USP6NL: variants seen among roughly 807,000 people sequenced by gnomAD.
USP6NL encodes the protein USP6 N-terminal like.
USP6NL carries 26 observed loss-of-function variants against 61.9 expected under a neutral mutation model. The ratio of observed to expected loss-of-function variants is 0.42; its 90% confidence interval spans 0.31 to 0.58. The LOEUF (loss-of-function observed/expected upper bound fraction) is 0.58, where lower values mean the gene tolerates loss of function less well. Ranked by LOEUF, USP6NL falls within the 20% of genes least tolerant of loss-of-function variation. The pLI, the probability that USP6NL is intolerant of heterozygous loss-of-function variation, is 0.16. For missense variants in USP6NL, 1,114 were observed against 1,034.3 expected (o/e 1.08, Z -1.06); for synonymous variants, 432 against 390.1 (o/e 1.11, Z -1.27).
chr10:11,463,441 G>C lies in USP6NL; in HGVS notation c.1487C>G (p.Thr496Arg). The change falls in exon 15 of 15, where the codon ACA (threonine) becomes AGA (arginine). Residue 496 changes from threonine (T) to arginine (R), a missense_variant. Thr to Arg is a moderately conservative substitution (Grantham distance 71, BLOSUM62 -1). Coordinates refer to ENST00000609104, the MANE Select transcript of USP6NL (RefSeq NM_014688.5). The surrounding 1 kb of genome is among the most constrained non-coding windows in gnomAD (Gnocchi z 6.3). Reference protein sequence around the residue: ...KWNKPSDVSATERTAKYTMEG... With the variant: ...KWNKPSDVSARERTAKYTMEG... ...CATGGTGTATTTGGCAGTTCTCTCT[G>C]TAGCTGAGACGTCTGACGGTTTATT... The C allele has an allele frequency of 1.2e-6, 2 of 1,614,078 alleles. No homozygotes were observed. The highest frequency in any genetic ancestry group is 8.5e-7 in the Non-Finnish European group (1 of 1,179,906).
rs1214382275 is a variant in USP6NL, at chr10:11,487,516, A to T, written c.664+1586T>A. Among the ~76,000 whole-genome samples, 1 of 152,218 alleles carries T rather than the reference A, an allele frequency of 6.6e-6. No homozygotes were observed. Among genetic ancestry groups the T allele is most frequent in the East Asian group, 1.9e-4 (1 of 5,202 alleles). On this transcript the variant is annotated intron_variant, in intron 10 of 14. Transcript: ENST00000609104. This position sits in a 1 kb window ranked among gnomAD's most constrained non-coding sequence, Gnocchi z 4.2. The stretch of plus-strand genomic sequence containing the variant: ...CCTAAAATTGGACAGTCTTGGACAC[A>T]ATTACATACCAGTTAAATTTGCATT...
At chr10:11,564,389 A>T (rs1837046833) in intron 2 of USP6NL, 1 of 152,214 alleles carries the variant, frequency 6.6e-6, no homozygotes, top group Non-Finnish European at 1.5e-5. Flanking sequence ...AACATAAAGC[A>T]AGAATCGAAT....
Position 11,481,455 on chromosome 10 carries a change from A to G in USP6NL, c.1078+315T>C, listed in dbSNP as rs1311927254. On this transcript the variant is annotated intron_variant, in intron 14 of 14. Transcript: ENST00000609104. This position sits in a 1 kb window ranked among gnomAD's most constrained non-coding sequence, Gnocchi z 4.4. Reference sequence around the variant, plus strand: ...CAAAATGAGATGAAGAAAGCAAAAAAAAGCTTATTGTTATGCTCGTTTAAA... The same window carrying G: ...CAAAATGAGATGAAGAAAGCAAAAAGAAGCTTATTGTTATGCTCGTTTAAA... Among the ~76,000 whole-genome samples, 1 of 152,244 alleles carries G rather than the reference A, an allele frequency of 6.6e-6. No individual in the cohort carries two copies. Among genetic ancestry groups the G allele is most frequent in the Non-Finnish European group, 1.5e-5 (1 of 68,042 alleles).
chr10:11,551,199 C>T (rs1376091387), intron 2 of USP6NL, among the ~76,000 whole-genome samples: 2 of 152,156 alleles, frequency 1.3e-5, no homozygotes, highest in Non-Finnish European at 2.9e-5. Flanking sequence ...CAGCCCAAAA[C>T]TAGAAACAAC....
chr10:11,462,162 G>A lies in USP6NL; in HGVS notation c.*279C>T, dbSNP rs2096216806. On this transcript the variant is annotated 3_prime_UTR_variant, in exon 15 of 15. Coordinates refer to ENST00000609104, the MANE Select transcript of USP6NL (RefSeq NM_014688.5). Reference sequence around the variant, plus strand: ...TCAGGTTTTGGAGAAAAACATAACCGGAACTGAGTAATAAATTACCACTGT... The same window carrying A: ...TCAGGTTTTGGAGAAAAACATAACCAGAACTGAGTAATAAATTACCACTGT... 1.1e-5 allele frequency: 4 copies of A among 367,200 alleles called. No individual in the cohort carries two copies. Among genetic ancestry groups the A allele is most frequent in the South Asian group, 5.7e-5 (1 of 17,564 alleles). The allele number at this position is 367,200 out of a possible 1,614,324, so 22.7% of individuals were successfully genotyped here. A position where few individuals can be genotyped will look rare whatever the true frequency, so the allele number is the denominator to read the frequency against.
intron 6 of USP6NL, among the ~76,000 whole-genome samples, chr10:11,501,427 T>C (rs1834189523): frequency 6.6e-6 from 1 of 152,176 alleles, no homozygotes; most frequent in African/African-American, 2.4e-5. Context: ...AACAAGAAAT[T>C]GTTAAGAATG....
In USP6NL at chr10:11,513,811, T is replaced by C. The variant is rs191539715; in HGVS notation, c.196-4136A>G. 4.3e-3 allele frequency among the ~76,000 whole-genome samples: 656 copies of C among 152,338 alleles called. 2 individuals carry two copies. Among genetic ancestry groups the C allele is most frequent in the Non-Finnish European group, 5.9e-3 (398 of 68,028 alleles). ...AGACTGTTCTTTATAGCTGGTTTTT[T>C]CTGTGGTGTGGGCAACTCGGAATCC... On this transcript the variant is annotated intron_variant, in intron 5 of 14. Coordinates refer to ENST00000609104, the MANE Select transcript of USP6NL (RefSeq NM_014688.5). This position sits in a 1 kb window ranked among gnomAD's most constrained non-coding sequence, Gnocchi z 4.7.
At chr10:11,538,157 CTAATTTCTAG>C in intron 2 of USP6NL, among the ~76,000 whole-genome samples, 1 of 152,232 alleles carries the variant, frequency 6.6e-6, no homozygotes, top group African/African-American at 2.4e-5. Flanking sequence ...TATTTGCTTC[CTAATTTCTAG>C]AAAGATAGGA....
intron 4 of USP6NL, among the ~76,000 whole-genome samples, chr10:11,519,331 T>C (rs1009473488): frequency 2.6e-5 from 4 of 152,198 alleles, no homozygotes; most frequent in Non-Finnish European, 4.4e-5. Context: ...CTTTATTCAG[T>C]ACAACAAAGA....
rs1832878159 is a variant in USP6NL, at chr10:11,474,275, A to C, written c.1078+7495T>G. Among the ~76,000 whole-genome samples the C allele has an allele frequency of 2.0e-5, 3 of 152,348 alleles. No homozygotes were observed. In the South Asian group the frequency reaches 6.2e-4, roughly 32 times the overall value. On this transcript the variant is annotated intron_variant, in intron 14 of 14. Coordinates refer to ENST00000609104, the MANE Select transcript of USP6NL (RefSeq NM_014688.5). This position sits in a 1 kb window ranked among gnomAD's most constrained non-coding sequence, Gnocchi z 4.9. ...GTTGGCCTTCTTATGCCAATTTAAA[A>C]ATATGCAAATGAGTCACTGATTTGA...
rs1334885556 is a variant in USP6NL, at chr10:11,540,269, G to T, written c.5-12702C>A. Among the ~76,000 whole-genome samples the T allele has an allele frequency of 6.6e-6, 1 of 152,130 alleles. No homozygotes were observed. The highest frequency in any genetic ancestry group is 2.4e-5 in the African/African-American group (1 of 41,426). ...CAATTTATATGAAATATTCTTTGTG[G>T]TCATAATCAACTGGACCTGCTATAT... is the stretch of plus-strand genomic sequence containing the variant. On this transcript the variant is annotated intron_variant, in intron 2 of 14. Coordinates refer to ENST00000609104, the MANE Select transcript of USP6NL (RefSeq NM_014688.5). The surrounding 1 kb of genome is among the most constrained non-coding windows in gnomAD (Gnocchi z 5.0).
intron 14 of USP6NL, among the ~76,000 whole-genome samples, chr10:11,480,005 A>G (rs562831625): frequency 2.6e-5 from 4 of 152,238 alleles, no homozygotes; most frequent in African/African-American, 9.6e-5. Flanking sequence ...TGAAAGGCAG[A>G]TGGTCGTGCT....
At chr10:11,557,323 A>G (rs1836745501) in intron 2 of USP6NL, among the ~76,000 whole-genome samples, 1 of 152,238 alleles carries the variant, frequency 6.6e-6, no homozygotes. Flanking sequence ...ATAGAGCCCA[A>G]TACAGCAAAG....
intron 13 of USP6NL, 120 bp downstream of exon 13, chr10:11,484,851 C>CA (rs1833389922): frequency 3.7e-5 from 27 of 737,366 alleles, no homozygotes; most frequent in Middle Eastern, 3.9e-4. Flanking sequence ...CACTGATTTT[C>CA]AAAAAAAATT....
At chr10:11,566,056 G>C (rs1398589631) in intron 2 of USP6NL, among the ~76,000 whole-genome samples, 3 of 152,096 alleles carry the variant, frequency 2.0e-5, no homozygotes, top group Non-Finnish European at 1.5e-5. Context: ...AACAACAAAG[G>C]CAGTGATTAA....
intron 4 of USP6NL, among the ~76,000 whole-genome samples, chr10:11,524,796 G>A (rs766111010): frequency 4.6e-5 from 7 of 152,132 alleles, no homozygotes; most frequent in Non-Finnish European, 7.4e-5. Context: ...GTAGGAAACC[G>A]ATTAAACAAT....
At chr10:11,568,222 T>C (rs1388628871) in intron 2 of USP6NL, among the ~76,000 whole-genome samples, 2 of 152,162 alleles carry the variant, frequency 1.3e-5, no homozygotes, top group African/African-American at 4.8e-5. Context: ...GGAGGCATTA[T>C]GAATTGACAC....
intron 4 of USP6NL, among the ~76,000 whole-genome samples, chr10:11,522,908 C>T (rs941229404): frequency 6.6e-6 from 1 of 152,204 alleles, no homozygotes; most frequent in Non-Finnish European, 1.5e-5. Flanking sequence ...AAGGTCCACA[C>T]CCTAGAGCTG....
rs1406314767 is a variant in USP6NL, at chr10:11,513,830, G to A, written c.196-4155C>T. Among the ~76,000 whole-genome samples, 1 of 152,122 alleles carries A rather than the reference G, an allele frequency of 6.6e-6. No individual in the cohort carries two copies. The highest frequency in any genetic ancestry group is 1.5e-5 in the Non-Finnish European group (1 of 68,026). The stretch of plus-strand genomic sequence containing the variant: ...GTTTTTTCTGTGGTGTGGGCAACTC[G>A]GAATCCAATCATGCATTCGGCATTG... On this transcript the variant is annotated intron_variant, in intron 5 of 14. Transcript: ENST00000609104. The surrounding 1 kb of genome is among the most constrained non-coding windows in gnomAD (Gnocchi z 4.7).
Sources: gnomAD v4.1 joint callset for allele counts (sites outside exome capture counted in the v4.1 genomes callset) on GRCh38, gnomAD v4.1.1 for gene constraint, Gnocchi (gnomAD v3.1) non-coding constraint, MANE v1.5 for transcripts, NCBI Gene and HGNC (gene_info 2026-07-23, HGNC 2026-07-21) for gene names.